The following CABLES1 variants were observed in gnomAD, a reference collection of about 807,000 sequenced individuals.
The protein encoded by CABLES1 is Cdk5 and Abl enzyme substrate 1, also known as CDK5 and ABL1 enzyme substrate 1.
CABLES1 carries 36 observed loss-of-function variants against 57.8 expected under a neutral mutation model. The observed-to-expected ratio is 0.62, with a 90% CI of 0.48 to 0.82. CABLES1 has a LOEUF of 0.82. Ranked by LOEUF, CABLES1 falls within the 40% of genes least tolerant of loss-of-function variation. CABLES1 has a pLI of 0.00. For missense variants in CABLES1, 767 were observed against 836.6 expected (o/e 0.92, Z 1.03); for synonymous variants, 374 against 363.0 (o/e 1.03, Z -0.35).
chr18:23,157,225 G>A (rs993520936), intron 1 of CABLES1, among the ~76,000 whole-genome samples: 1 of 152,098 alleles, frequency 6.6e-6, no homozygotes, highest in Non-Finnish European at 1.5e-5. Flanking sequence ...CCCCATCTCT[G>A]TTTTATTTAG....
At chr18:23,228,265 G>C (rs1014438822) in intron 4 of CABLES1, among the ~76,000 whole-genome samples, 8 of 152,212 alleles carry the variant, frequency 5.3e-5, no homozygotes, top group Non-Finnish European at 1.2e-4. Flanking sequence ...CTCTGCCAGG[G>C]AGCCACAGAA....
intron 7 of CABLES1, among the ~76,000 whole-genome samples, chr18:23,243,926 A>ATT (rs1200314494): frequency 1.3e-5 from 2 of 151,770 alleles, no homozygotes; most frequent in Non-Finnish European, 2.9e-5. Context: ...TTCACCCAAG[A>ATT]TTTTGCAGCA....
At chr18:23,214,146 G>T in intron 4 of CABLES1, 92 bp downstream of exon 4, 6 of 865,490 alleles carry the variant, frequency 6.9e-6, no homozygotes, top group Non-Finnish European at 1.1e-5. Flanking sequence ...TTTTCAAGAA[G>T]TTGCCTTGCT....
chr18:23,204,808 A>T (rs2047350942), intron 3 of CABLES1, among the ~76,000 whole-genome samples: 1 of 152,154 alleles, frequency 6.6e-6, no homozygotes, highest in Non-Finnish European at 1.5e-5. Context: ...CCCATATAAA[A>T]CCAACAGATC....
intron 4 of CABLES1, among the ~76,000 whole-genome samples, chr18:23,220,720 C>A (rs2047480967): frequency 6.6e-6 from 1 of 152,166 alleles, no homozygotes; most frequent in South Asian, 2.1e-4. Context: ...TCTGGGGACA[C>A]CAGCTGCTGA....
intron 1 of CABLES1, among the ~76,000 whole-genome samples, chr18:23,142,509 G>A (rs897739622): frequency 6.6e-6 from 1 of 152,224 alleles, no homozygotes; most frequent in Non-Finnish European, 1.5e-5. Flanking sequence ...AGACACCACA[G>A]AGGGGCAGGA....
intron 3 of CABLES1, among the ~76,000 whole-genome samples, chr18:23,209,468 G>C (rs1166249023): frequency 1.3e-5 from 2 of 152,252 alleles, no homozygotes; most frequent in Non-Finnish European, 2.9e-5. Flanking sequence ...ATTCTTTCTT[G>C]CTTCCTGGGC....
intron 7 of CABLES1, among the ~76,000 whole-genome samples, chr18:23,238,369 A>G (rs980949846): frequency 3.9e-5 from 6 of 152,210 alleles, no homozygotes; most frequent in Admixed American, 2.6e-4. Context: ...TTCAGTGGTC[A>G]TTTTCGTATG....
chr18:23,198,369 A>G (rs1358042090), intron 3 of CABLES1, among the ~76,000 whole-genome samples: 2 of 152,238 alleles, frequency 1.3e-5, no homozygotes, highest in African/African-American at 4.8e-5. Context: ...TGTCTTCAGG[A>G]CTAGATCTCG....
At chr18:23,254,008 G>A in intron 9 of CABLES1, 72 bp downstream of exon 9, 2 of 1,305,726 alleles carry the variant, frequency 1.5e-6, no homozygotes, top group Non-Finnish European at 2.2e-6. Flanking sequence ...AGAAGGATTC[G>A]GTCAGTGACC....
chr18:23,162,582 G>A (rs2047012956), intron 1 of CABLES1, among the ~76,000 whole-genome samples: 1 of 152,168 alleles, frequency 6.6e-6, no homozygotes, highest in Admixed American at 6.5e-5. Context: ...CAAAAATATG[G>A]GTAAAGTTGG....
At chr18:23,254,158 T>A (rs2056545462) in intron 9 of CABLES1, among the ~76,000 whole-genome samples, 1 of 152,230 alleles carries the variant, frequency 6.6e-6, no homozygotes. Context: ...GCATTGGGTC[T>A]GGCCCTCAAA....
At chr18:23,248,680 G>C (rs1189422193) in intron 7 of CABLES1, among the ~76,000 whole-genome samples, 5 of 151,820 alleles carry the variant, frequency 3.3e-5, no homozygotes, top group Admixed American at 6.6e-5. Flanking sequence ...ATACAGCTGG[G>C]TGGGTGTGGT....
At chr18:23,203,767 G>T (rs1159205469) in intron 3 of CABLES1, among the ~76,000 whole-genome samples, 1 of 152,112 alleles carries the variant, frequency 6.6e-6, no homozygotes, top group Non-Finnish European at 1.5e-5. Context: ...AAATGTCATT[G>T]CTTTTTCTCC....
intron 6 of CABLES1, 143 bp from the exon 7 acceptor site, chr18:23,236,999 C>A: frequency 1.6e-6 from 1 of 636,444 alleles, no homozygotes; most frequent in South Asian, 1.8e-5. Flanking sequence ...TAATAAAAGT[C>A]AGTGAGTGCC....
intron 1 of CABLES1, among the ~76,000 whole-genome samples, chr18:23,166,020 T>C (rs983068033): frequency 6.6e-6 from 1 of 152,142 alleles, no homozygotes; most frequent in Non-Finnish European, 1.5e-5. Flanking sequence ...AGGGTGTGGG[T>C]GTGCAGGCAA....
In CABLES1 at chr18:23,194,542, TACTAC is replaced by T; in HGVS notation, c.1010+4_1010+8del. 1 of 1,594,834 alleles carries T rather than the reference TACTAC, an allele frequency of 6.3e-7. No individual in the cohort carries two copies. The highest frequency in any genetic ancestry group is 1.3e-5 in the African/African-American group (1 of 74,630). On this transcript the variant is annotated splice_donor_5th_base_variant and intron_variant, in intron 3 of 9. Coordinates refer to ENST00000256925, the MANE Select transcript of CABLES1 (RefSeq NM_001100619.3). ...GCAACACGATACCAGGAATGGCAGG[TACTAC>T]ATTCACACAGAAGCGGCTGCCAGCA...
rs548145216 is a variant in CABLES1 at position 23,236,016 on chromosome 18, G to T, written c.1307G>T (p.Gly436Val). The T allele has an allele frequency of 6.5e-5, 105 of 1,614,172 alleles. No homozygotes were observed. Among genetic ancestry groups the T allele is most frequent in the Non-Finnish European group, 8.5e-6 (10 of 1,180,040 alleles). Residue 436 changes from glycine to valine, a missense_variant, in exon 6 of 10, where the codon GGC becomes GTC. By Grantham distance (109) the Gly-to-Val change is moderately radical (BLOSUM62 -3). Transcript: ENST00000256925. ...RNLSHRSLSI[G>V]RASGTQGSLD... The stretch of plus-strand genomic sequence containing the variant: ...CTGAGCCACCGCAGCCTCTCCATAG[G>T]CCGGGCAAGCGGCACCCAGGGGAGC...
intron 1 of CABLES1, among the ~76,000 whole-genome samples, chr18:23,162,990 G>A (rs918221477): frequency 6.6e-6 from 1 of 152,204 alleles, no homozygotes; most frequent in Admixed American, 6.5e-5. Context: ...CAGGAGAGAC[G>A]ATGGCAGCTT....
Sources: allele counts gnomAD v4.1 joint callset (sites outside exome capture counted in the v4.1 genomes callset), GRCh38; gene constraint gnomAD v4.1.1; transcripts MANE v1.5; gene names NCBI Gene and HGNC (gene_info 2026-07-23, HGNC 2026-07-21).